The following APBA1 variants were observed in gnomAD, a reference collection of about 807,000 sequenced individuals.
The protein encoded by APBA1 is amyloid beta precursor protein binding family A member 1.
APBA1 carries 55 observed loss-of-function variants against 86.6 expected under a neutral mutation model. That is an observed-to-expected ratio of 0.64 (90% CI 0.51 to 0.80). The LOEUF (loss-of-function observed/expected upper bound fraction) is 0.80, where lower values mean the gene tolerates loss of function less well. Among genes scored for constraint, APBA1 ranks in the 30% least tolerant of loss-of-function variants. APBA1 has a pLI of 0.00. For missense variants in APBA1, 1,090 were observed against 1,183.0 expected (o/e 0.92, Z 1.15); for synonymous variants, 511 against 493.9 (o/e 1.03, Z -0.46).
chr9:69,476,013 G>A, intron 3 of APBA1, 35 bp downstream of exon 3: 2 of 1,560,316 alleles, frequency 1.3e-6, no homozygotes, highest in Non-Finnish European at 1.8e-6. Context: ...AAAGCAAAAT[G>A]GCCCAATGGC....
At chr9:69,436,799 C>A (rs1042924058) in intron 11 of APBA1, among the ~76,000 whole-genome samples, 1 of 152,124 alleles carries the variant, frequency 6.6e-6, no homozygotes, top group Non-Finnish European at 1.5e-5. Context: ...CTGGCCAGAA[C>A]TTCCAAAACT....
intron 1 of APBA1, among the ~76,000 whole-genome samples, chr9:69,539,544 T>TCAAC (rs886794551): frequency 6.6e-6 from 1 of 152,236 alleles, no homozygotes; most frequent in Non-Finnish European, 1.5e-5. Flanking sequence ...CTGGACCATG[T>TCAAC]CAACAGCTTC....
chr9:69,627,349 G>GA (rs776944518), intron 1 of APBA1, among the ~76,000 whole-genome samples: 36 of 152,066 alleles, frequency 2.4e-4, no homozygotes, highest in Non-Finnish European at 4.7e-4. Flanking sequence ...GTCAGATGGT[G>GA]AAAAATAGTT....
At chr9:69,639,654 A>AC in intron 1 of APBA1, among the ~76,000 whole-genome samples, 1 of 152,176 alleles carries the variant, frequency 6.6e-6, no homozygotes, top group Non-Finnish European at 1.5e-5. Context: ...CTCACTGGTT[A>AC]CCCCCTGGAG....
intron 1 of APBA1, among the ~76,000 whole-genome samples, chr9:69,521,540 C>G (rs901344085): frequency 2.0e-5 from 3 of 151,708 alleles, no homozygotes; most frequent in Non-Finnish European, 2.9e-5. Context: ...TGCACTGGGT[C>G]GGGGGTCAGA....
rs757907675 is a variant in APBA1 at position 69,517,058 on chromosome 9, G to A, written c.153C>T (p.His51=). ...GGTCCTCGAGGGCTCGCCCGCGCTG[G>A]TGGCGGCCCACATAGTGCTGCTGCT... ...PPQQQHYVGR[H]QRGRALEDLR... The change falls in exon 2 of 13, where the codon CAC becomes CAT. Residue 51 remains histidine (H), a synonymous_variant. Transcript: ENST00000265381. 6.9e-6 allele frequency: 11 copies of A among 1,583,984 alleles called. No homozygotes were observed. The highest frequency in any genetic ancestry group is 1.7e-5 in the Admixed American group (1 of 57,402).
chr9:69,448,403 G>A lies in APBA1; in HGVS notation c.2181+1181C>T, dbSNP rs1834947432. Among the ~76,000 whole-genome samples, 4 of 152,198 alleles carry A rather than the reference G, an allele frequency of 2.6e-5. No homozygotes were observed. The South Asian group carries it at 6.2e-4, about 24-fold the overall frequency. ...TTGATTCTCTAATCTTACCTTTAAC[G>A]TGTATTAAGCAAGAGGTAGAATTTA... On this transcript the variant is annotated intron_variant, in intron 10 of 12. Coordinates refer to ENST00000265381, the MANE Select transcript of APBA1 (RefSeq NM_001163.4).
chr9:69,620,602 G>A (rs1360498228), intron 1 of APBA1, among the ~76,000 whole-genome samples: 4 of 152,074 alleles, frequency 2.6e-5, no homozygotes, highest in South Asian at 2.1e-4. Context: ...GCTTGAACCC[G>A]GGAGGCGGAG....
intron 11 of APBA1, among the ~76,000 whole-genome samples, chr9:69,435,364 C>G (rs536492698): frequency 9.8e-4 from 148 of 151,684 alleles, no homozygotes; most frequent in African/African-American, 2.8e-3. Context: ...CCTGAGGAAT[C>G]GCCACACTGA....
rs757777831 is a variant in APBA1 at position 69,456,281 on chromosome 9, T to C, written c.1754A>G (p.Tyr585Cys). 1.9e-6 allele frequency: 3 copies of C among 1,614,220 alleles called. No individual in the cohort carries two copies. The highest frequency in any genetic ancestry group is 1.7e-5 in the Admixed American group (1 of 60,032). ...CTCGAAGACGTGGCAGATCATCTTGTACTGCCTTTTCCCATCCTGGGATGG... is the reference window on the plus strand; with the variant it reads ...CTCGAAGACGTGGCAGATCATCTTGCACTGCCTTTTCCCATCCTGGGATGG... ...SHPSQDGKRQ[Y>C]KMICHVFESE... is the part of the protein sequence containing the mutation. The change falls in exon 8 of 13, where the codon TAC (tyrosine) becomes TGC (cysteine). Residue 585 changes from tyrosine (Y) to cysteine (C), a missense_variant. This residue lies in a region of APBA1 where 103 missense variants were observed against 91.9 expected (regional missense o/e 1.12). Coordinates refer to ENST00000265381, the MANE Select transcript of APBA1 (RefSeq NM_001163.4).
intron 1 of APBA1, among the ~76,000 whole-genome samples, chr9:69,586,451 A>T (rs547019513): frequency 6.6e-6 from 1 of 152,154 alleles, no homozygotes; most frequent in South Asian, 2.1e-4. Context: ...CCTCCAGTTG[A>T]CTGACCTCTG....
chr9:69,664,470 G>GT (rs1823808701), intron 1 of APBA1, among the ~76,000 whole-genome samples: 1 of 152,128 alleles, frequency 6.6e-6, no homozygotes. Context: ...TCTCAAAAAA[G>GT]TTAGATAGAA....
At chr9:69,531,182 G>A (rs190774441) in intron 1 of APBA1, among the ~76,000 whole-genome samples, 1 of 152,174 alleles carries the variant, frequency 6.6e-6, no homozygotes, top group Admixed American at 6.5e-5. Flanking sequence ...GCCCCACTTC[G>A]AGTTTGACAG....
intron 2 of APBA1, among the ~76,000 whole-genome samples, chr9:69,504,526 T>C (rs1413832885): frequency 6.6e-6 from 1 of 152,052 alleles, no homozygotes; most frequent in Non-Finnish European, 1.5e-5. Flanking sequence ...CATGTACTTA[T>C]GATGCAAGAG....
rs1388023093 is a variant in APBA1, at chr9:69,650,485, T to C, written c.-70+21668A>G. Among the ~76,000 whole-genome samples, 3 of 152,256 alleles carry C rather than the reference T, an allele frequency of 2.0e-5. No homozygotes were observed. The East Asian group carries it at 5.8e-4, about 29-fold the overall frequency. The stretch of plus-strand genomic sequence containing the variant: ...TCTTGTTTTGTTATACACGAAACTA[T>C]TTTTAATGAAAATAGTCTGAATGCT... On this transcript the variant is annotated intron_variant, in intron 1 of 12. Coordinates refer to ENST00000265381, the MANE Select transcript of APBA1 (RefSeq NM_001163.4).
intron 1 of APBA1, among the ~76,000 whole-genome samples, chr9:69,558,738 C>T (rs1836904110): frequency 6.6e-6 from 1 of 152,084 alleles, no homozygotes; most frequent in African/African-American, 2.4e-5. Context: ...CTCCCATCCT[C>T]CACCCTCACA....
At chr9:69,669,965 C>CT (rs1034055104) in intron 1 of APBA1, among the ~76,000 whole-genome samples, 1 of 152,000 alleles carries the variant, frequency 6.6e-6, no homozygotes, top group Non-Finnish European at 1.5e-5. Flanking sequence ...AGGATGATGA[C>CT]TTTTTTTTAA....
intron 9 of APBA1, among the ~76,000 whole-genome samples, chr9:69,450,085 T>C (rs1046881591): frequency 1.3e-5 from 2 of 148,348 alleles, no homozygotes; most frequent in Non-Finnish European, 3.0e-5. Flanking sequence ...TTTTTTTTAA[T>C]TTCTTCAGTC....
chr9:69,658,216 CT>C (rs1216704807), intron 1 of APBA1, among the ~76,000 whole-genome samples: 1 of 148,788 alleles, frequency 6.7e-6, no homozygotes, highest in Non-Finnish European at 1.5e-5. Flanking sequence ...TACTCAAGTC[CT>C]TTCTCTCTTT....
Sources: allele counts gnomAD v4.1 joint callset (sites outside exome capture counted in the v4.1 genomes callset), GRCh38; gene constraint gnomAD v4.1.1; regional missense constraint gnomAD v4.1.1; transcripts MANE v1.5; gene names NCBI Gene and HGNC (gene_info 2026-07-23, HGNC 2026-07-21).